ZNF71: variants seen among roughly 807,000 people sequenced by gnomAD.
The protein encoded by ZNF71 is endothelial zinc finger protein induced by tumor necrosis factor alpha.
Under a neutral mutation model 6.7 loss-of-function variants are expected in ZNF71, and 3 were observed. The ratio of observed to expected loss-of-function variants is 0.45; its 90% CI spans 0.20 to 1.16. The LOEUF (loss-of-function observed/expected upper bound fraction) is 1.16, where lower values mean the gene tolerates loss of function less well. Among genes scored for constraint, ZNF71 ranks in the 50% most tolerant of loss-of-function variants. The probability of loss-of-function intolerance (pLI) is 0.25; values close to 1 mark genes in which losing one functional copy is unlikely to be tolerated. For missense variants in ZNF71, 688 were observed against 728.6 expected (o/e 0.94, Z 0.64); for synonymous variants, 343 against 311.1 (o/e 1.10, Z -1.08).
rs2044859382 is a variant in ZNF71 at position 56,622,107 on chromosome 19, G to A, written c.1000G>A (p.Glu334Lys). ...CGGGGAGAAGCCGTACGTGTGCCCC[G>A]AGTGCGGGCGAGCCTTCAGCCAGAA... ...HTGEKPYVCP[E>K]CGRAFSQNMH... Residue 334 changes from glutamate (E) to lysine (K), a missense_variant, in exon 4 of 4, where the codon GAG becomes AAG. By Grantham distance (56) the Glu-to-Lys change is moderately conservative. Coordinates refer to ENST00000599599, the MANE Select transcript of ZNF71 (RefSeq NM_001370215.1). 1.2e-6 allele frequency: 2 copies of A among 1,612,210 alleles called. No homozygotes were observed. The highest frequency in any genetic ancestry group is 1.1e-5 in the South Asian group (1 of 90,922).
chr19:56,604,585 T>C (rs909453480), intron 2 of ZNF71, among the ~76,000 whole-genome samples: 1 of 152,220 alleles, frequency 6.6e-6, no homozygotes, highest in African/African-American at 2.4e-5. Flanking sequence ...GCCTCTCATA[T>C]GAGGCTTAGA....
At chr19:56,595,672 G>T (rs145662571) in intron 1 of ZNF71, among the ~76,000 whole-genome samples, 5 of 152,276 alleles carry the variant, frequency 3.3e-5, no homozygotes, top group Middle Eastern at 3.4e-3. Flanking sequence ...ATCCTGGGGG[G>T]AAGGTGGCCT....
At position 56,603,102 on chromosome 19, in the gene ZNF71, T is replaced by G. The variant is rs1446477348; in HGVS notation, c.33+1511T>G. 6.6e-6 allele frequency among the ~76,000 whole-genome samples: 1 copy of G among 152,232 alleles called. No individual in the cohort carries two copies. Among genetic ancestry groups the G allele is most frequent in the African/African-American group, 2.4e-5 (1 of 41,458 alleles). ...GAGGTACACATCACGTATCACAAAG[T>G]GTACAATTCACTGATTTTGGGTACA... On this transcript the variant is annotated intron_variant, in intron 2 of 3. Coordinates refer to ENST00000599599, the MANE Select transcript of ZNF71 (RefSeq NM_001370215.1). This position sits in a 1 kb window ranked among gnomAD's most constrained non-coding sequence, Gnocchi z 4.6.
chr19:56,616,487 G>GT (rs1462104443), intron 3 of ZNF71, among the ~76,000 whole-genome samples: 1 of 152,154 alleles, frequency 6.6e-6, no homozygotes, highest in Non-Finnish European at 1.5e-5. Context: ...ATCATTCTGG[G>GT]TTTTCTGCCC....
chr19:56,612,909 A>G (rs1469553928), intron 2 of ZNF71, among the ~76,000 whole-genome samples: 1 of 152,186 alleles, frequency 6.6e-6, no homozygotes, highest in Non-Finnish European at 1.5e-5. Flanking sequence ...GTTTCCAAAT[A>G]AGGTCATGTT....
chr19:56,597,758 A>G (rs2148001789), intron 1 of ZNF71, among the ~76,000 whole-genome samples: 1 of 152,294 alleles, frequency 6.6e-6, no homozygotes, highest in African/African-American at 2.4e-5. Flanking sequence ...TGCTGCCATA[A>G]ATATCTTTTT....
At position 56,622,163 on chromosome 19, in the gene ZNF71, C is replaced by T. The variant is rs137860470; in HGVS notation, c.1056C>T (p.His352=). 95 of 1,613,750 alleles carry T rather than the reference C, an allele frequency of 5.9e-5. No homozygotes were observed. The highest frequency in any genetic ancestry group is 8.1e-5 in the Non-Finnish European group (95 of 1,179,884). The change falls in exon 4 of 4, where the codon CAC becomes CAT. Residue 352 remains histidine, a synonymous_variant. Coordinates refer to ENST00000599599, the MANE Select transcript of ZNF71 (RefSeq NM_001370215.1). The part of the protein sequence containing the change: ...NMHLTEHQRT[H]TGEKPYACKE... ...ACCTGACCGAGCACCAGCGCACGCA[C>T]ACCGGGGAGAAGCCGTACGCCTGCA...
chr19:56,616,367 C>T (rs2044791341), intron 3 of ZNF71, among the ~76,000 whole-genome samples: 1 of 152,298 alleles, frequency 6.6e-6, no homozygotes, highest in East Asian at 1.9e-4. Context: ...AATTCTGAAT[C>T]CTGTTCTGTC....
chr19:56,606,879 T>C (rs2044713970), intron 2 of ZNF71, among the ~76,000 whole-genome samples: 1 of 151,986 alleles, frequency 6.6e-6, no homozygotes, highest in African/African-American at 2.4e-5. Flanking sequence ...ATTCTATTGG[T>C]CAAGCAGGTC....
rs555344351 is a variant in ZNF71 at position 56,606,782 on chromosome 19, C to G, written c.33+5191C>G. ...CACCTGTTGTGATGACTGGCTTCTC[C>G]CAGAGCAAGTGTTCCAGGAGGCTGA... On this transcript the variant is annotated intron_variant, in intron 2 of 3. Transcript: ENST00000599599. Among the ~76,000 whole-genome samples, 3 of 152,032 alleles carry G rather than the reference C, an allele frequency of 2.0e-5. No homozygotes were observed. The East Asian group carries it at 5.8e-4, about 29-fold the overall frequency.
At chr19:56,604,582 A>T (rs1486200431) in intron 2 of ZNF71, among the ~76,000 whole-genome samples, 1 of 152,232 alleles carries the variant, frequency 6.6e-6, no homozygotes, top group Admixed American at 6.5e-5. Context: ...CCTGCCTCTC[A>T]TATGAGGCTT....
Position 56,623,524 on chromosome 19 carries a change from A to G in ZNF71, c.*767A>G, listed in dbSNP as rs1168609338. 6.0e-6 allele frequency: 1 copy of G among 167,122 alleles called. No homozygotes were observed. Among genetic ancestry groups the G allele is most frequent in the Non-Finnish European group, 1.5e-5 (1 of 68,138 alleles). 10.4% of individuals were successfully genotyped at this position (167,122 alleles called of 1,614,324 possible). A position where few individuals can be genotyped will look rare whatever the true frequency, so the allele number is the denominator to read the frequency against. On this transcript the variant is annotated 3_prime_UTR_variant, in exon 4 of 4. Transcript: ENST00000599599. ...GGGAGGGGCAAGAAGGAAAAGAAAC[A>G]GCAGCAGGTTTGATATTCAGAAAGA...
At chr19:56,617,585 G>A (rs978630377) in intron 3 of ZNF71, among the ~76,000 whole-genome samples, 16 of 152,178 alleles carry the variant, frequency 1.1e-4, no homozygotes, top group African/African-American at 3.9e-4. Context: ...ACGGCTTTTG[G>A]CGAAAGTGCC....
At position 56,622,850 on chromosome 19, in the gene ZNF71, G is replaced by A. The variant is rs1239879827; in HGVS notation, c.*93G>A. On this transcript the variant is annotated 3_prime_UTR_variant, in exon 4 of 4. Coordinates refer to ENST00000599599, the MANE Select transcript of ZNF71 (RefSeq NM_001370215.1). ...GCAGTGCTGTGAGAAGTTCTCCCCT[G>A]GGGTGGGGACTCGGGGTCAGGGGAG... 1.3e-6 allele frequency: 2 copies of A among 1,487,208 alleles called. No individual in the cohort carries two copies. The highest frequency in any genetic ancestry group is 1.8e-6 in the Non-Finnish European group (2 of 1,111,406). 92.1% of individuals were successfully genotyped at this position (1,487,208 alleles called of 1,614,324 possible).
chr19:56,615,746 C>T (rs1325245582), intron 3 of ZNF71, among the ~76,000 whole-genome samples: 1 of 152,078 alleles, frequency 6.6e-6, no homozygotes, highest in African/African-American at 2.4e-5. Flanking sequence ...ATTGTGTTTT[C>T]ACTTTCTTGA....
In ZNF71 at chr19:56,613,219, C is replaced by G. The variant is rs1423531512; in HGVS notation, c.34-593C>G. Among the ~76,000 whole-genome samples the G allele has an allele frequency of 6.6e-6, 1 of 152,220 alleles. No homozygotes were observed. Among genetic ancestry groups the G allele is most frequent in the African/African-American group, 2.4e-5 (1 of 41,458 alleles). On this transcript the variant is annotated intron_variant, in intron 2 of 3. Transcript: ENST00000599599. This position sits in a 1 kb window ranked among gnomAD's most constrained non-coding sequence, Gnocchi z 4.6. The stretch of plus-strand genomic sequence containing the variant: ...TCTCTTCCCTACCCAGAATCTCCCA[C>G]TAAAGACCCAACCACCAGTTCTCTT...
rs76311202 is a variant in ZNF71 at position 56,623,872 on chromosome 19, A to G, written c.*1115A>G. On this transcript the variant is annotated 3_prime_UTR_variant, in exon 4 of 4. Transcript: ENST00000599599. The stretch of plus-strand genomic sequence containing the variant: ...TTATAAGGGTGCTAATCCCAGTCAC[A>G]AGGGCCCTGACCTCATGACCTCCCA... The G allele has an allele frequency of 0.11, 18,717 of 167,078 alleles. 1,107 individuals are homozygous for G. Among genetic ancestry groups the G allele is most frequent in the African/African-American group, 0.12 (5,172 of 41,520 alleles). 10.3% of individuals were successfully genotyped at this position (167,078 alleles called of 1,614,324 possible).
intron 2 of ZNF71, among the ~76,000 whole-genome samples, chr19:56,607,745 G>C (rs1171114834): frequency 1.3e-5 from 2 of 152,192 alleles, no homozygotes; most frequent in Admixed American, 6.5e-5. Flanking sequence ...TTGTGGCTGT[G>C]TAACAAGTTA....
At position 56,618,845 on chromosome 19, in the gene ZNF71, G is replaced by A. The variant is rs117455271; in HGVS notation, c.161-2423G>A. 0.019 allele frequency among the ~76,000 whole-genome samples: 2,866 copies of A among 152,244 alleles called. 47 individuals are homozygous for A. The highest frequency in any genetic ancestry group is 0.041 in the Middle Eastern group (12 of 294). On this transcript the variant is annotated intron_variant, in intron 3 of 3. Transcript: ENST00000599599. This position sits in a 1 kb window ranked among gnomAD's most constrained non-coding sequence, Gnocchi z 4.6. ...AGGTCCTGGCATCATTCTCAGTACC[G>A]TAGGGAGGTCACGGGAGGGTTGATC...
Sources: gnomAD v4.1 joint callset for allele counts (sites outside exome capture counted in the v4.1 genomes callset) on GRCh38, gnomAD v4.1.1 for gene constraint, Gnocchi (gnomAD v3.1) non-coding constraint, MANE v1.5 for transcripts, NCBI Gene and HGNC (gene_info 2026-07-23, HGNC 2026-07-21) for gene names.